RHO: variants seen among roughly 807,000 people sequenced by gnomAD.
RHO encodes rhodopsin, also known as opsin 2, rod pigment.
Under a neutral mutation model 31.2 loss-of-function variants are expected in RHO, and 21 were observed. The observed-to-expected ratio is 0.67, with a 90% CI of 0.48 to 0.97. RHO has a LOEUF of 0.97. RHO is among the 50% of genes least tolerant of loss of function. The pLI, the probability that RHO is intolerant of heterozygous loss-of-function variation, is 0.00. For missense variants in RHO, 414 were observed against 479.5 expected, an observed-to-expected ratio of 0.86 and a Z score of 1.28; for synonymous variants, 211 against 196.6, an observed-to-expected ratio of 1.07 and a Z score of -0.61.
chr3:129,533,532 G>A, intron 4 of RHO, 76 bp from the exon 5 acceptor site: 1 of 1,093,462 alleles, frequency 9.1e-7, no homozygotes, highest in Non-Finnish European at 1.4e-6. Context: ...AAGGGTCGGG[G>A]CGAACCTCAC....
At position 129,533,654 on chromosome 3, in the gene RHO, T is replaced by G; in HGVS notation, c.983T>G (p.Leu328Arg). 6.2e-7 allele frequency: 1 copy of G among 1,614,032 alleles called. No homozygotes were observed. The highest frequency in any genetic ancestry group is 8.5e-7 in the Non-Finnish European group (1 of 1,179,982). ...LTTICCGKNP[L>R]GDDEASATVS... ...ACCATCTGCTGCGGCAAGAACCCAC[T>G]GGGTGACGATGAGGCCTCTGCTACC... The change falls in exon 5 of 5, where the codon CTG (leucine) becomes CGG (arginine). Residue 328 changes from leucine to arginine, a missense_variant. Leu to Arg is a moderately radical substitution (Grantham distance 102). Coordinates refer to ENST00000296271, the MANE Select transcript of RHO (RefSeq NM_000539.3).
In RHO at chr3:129,532,365, C is replaced by A; in HGVS notation, c.645C>A (p.Pro215=). 6.2e-7 allele frequency: 1 copy of A among 1,614,014 alleles called. No homozygotes were observed. The highest frequency in any genetic ancestry group is 8.5e-7 in the Non-Finnish European group (1 of 1,180,014). Residue 215 remains proline (P), a synonymous_variant, in exon 3 of 5, where the codon CCC becomes CCA. Coordinates refer to ENST00000296271, the MANE Select transcript of RHO (RefSeq NM_000539.3). The surrounding 1 kb of genome is among the most constrained non-coding windows in gnomAD (Gnocchi z 5.5). ...TGTTCGTGGTCCACTTCACCATCCC[C>A]ATGATTATCATCTTTTTCTGCTATG... is the stretch of plus-strand genomic sequence containing the variant. The part of the protein sequence containing the change: ...IYMFVVHFTI[P]MIIIFFCYGQ...
At position 129,530,895 on chromosome 3, in the gene RHO, C is replaced by G. The variant is rs146311684; in HGVS notation, c.381C>G (p.Ser127=). The G allele has an allele frequency of 2.6e-4, 415 of 1,614,238 alleles. 2 individuals carry two copies. In the African/African-American group the frequency reaches 4.7e-3, roughly 18 times the overall value. ...TTGCAGGTGAAATTGCCCTGTGGTC[C>G]TTGGTGGTCCTGGCCATCGAGCGGT... ...ATLGGEIALW[S]LVVLAIERYV... Residue 127 remains serine (S), a synonymous_variant, in exon 2 of 5, where the codon TCC becomes TCG. Coordinates refer to ENST00000296271, the MANE Select transcript of RHO (RefSeq NM_000539.3).
In RHO at chr3:129,528,829, T is replaced by C. The variant is rs2084756732; in HGVS notation, c.96T>C (p.Ala32=). 2.5e-6 allele frequency: 4 copies of C among 1,614,274 alleles called. No individual in the cohort carries two copies. The highest frequency in any genetic ancestry group is 3.4e-6 in the Non-Finnish European group (4 of 1,180,050). Residue 32 remains alanine (A), a synonymous_variant, in exon 1 of 5, where the codon GCT becomes GCC. Transcript: ENST00000296271. ...SPFEYPQYYL[A]EPWQFSMLAA... ...TCGAGTACCCACAGTACTACCTGGCTGAGCCATGGCAGTTCTCCATGCTGG... is the reference window on the plus strand; with the variant it reads ...TCGAGTACCCACAGTACTACCTGGCCGAGCCATGGCAGTTCTCCATGCTGG...
chr3:129,530,183 T>C (rs1226864693), intron 1 of RHO, among the ~76,000 whole-genome samples: 1 of 152,158 alleles, frequency 6.6e-6, no homozygotes, highest in Admixed American at 6.5e-5. Flanking sequence ...CTCTGCAGGG[T>C]CAGTCCCAGT....
chr3:129,530,003 GCCA>G (rs1340002495), intron 1 of RHO, among the ~76,000 whole-genome samples: 1 of 152,328 alleles, frequency 6.6e-6, no homozygotes. Context: ...CTTACCGCCA[GCCA>G]CAAGCGTCTC....
At chr3:129,530,694 G>T (rs1181644601) in intron 1 of RHO, among the ~76,000 whole-genome samples, 182 bp from the exon 2 acceptor site, 1 of 152,170 alleles carries the variant, frequency 6.6e-6, no homozygotes, top group Non-Finnish European at 1.5e-5. Context: ...GCTCTCCTCA[G>T]CGTGTGGTCC....
At chr3:129,531,956 C>T (rs1035517938) in intron 2 of RHO, among the ~76,000 whole-genome samples, 2 of 152,202 alleles carry the variant, frequency 1.3e-5, no homozygotes, top group East Asian at 1.9e-4. Context: ...CAACCCTCTG[C>T]GTGGCATAGC....
rs1042378602 is a variant in RHO, at chr3:129,535,214, T to C, written c.*1496T>C. On this transcript the variant is annotated 3_prime_UTR_variant, in exon 5 of 5. Coordinates refer to ENST00000296271, the MANE Select transcript of RHO (RefSeq NM_000539.3). ...TTTCACACTCTATCCACAGGATAGA[T>C]TGAAACTGCCAGCTTCCACCTGATC... 1 of 152,568 alleles carries C rather than the reference T, an allele frequency of 6.6e-6. No homozygotes were observed. The highest frequency in any genetic ancestry group is 2.4e-5 in the African/African-American group (1 of 41,410). 9.5% of individuals were successfully genotyped at this position (152,568 alleles called of 1,614,324 possible). A position where few individuals can be genotyped will look rare whatever the true frequency, so the allele number is the denominator to read the frequency against.
Position 129,531,016 on chromosome 3 carries a change from G to A in RHO, c.502G>A (p.Ala168Thr), listed in dbSNP as rs574202023. 53 of 1,614,086 alleles carry A rather than the reference G, an allele frequency of 3.3e-5. No individual in the cohort carries two copies. The highest frequency in any genetic ancestry group is 4.2e-5 in the Non-Finnish European group (49 of 1,180,032). ...AFTWVMALAC[A>T]APPLAGWSRY... ...CACCTGGGTCATGGCGCTGGCCTGCGCCGCACCCCCACTCGCCGGCTGGTC... is the reference window on the plus strand; with the variant it reads ...CACCTGGGTCATGGCGCTGGCCTGCACCGCACCCCCACTCGCCGGCTGGTC... Residue 168 changes from alanine to threonine, a missense_variant, in exon 2 of 5, where the codon GCC (alanine) becomes ACC (threonine). Coordinates refer to ENST00000296271, the MANE Select transcript of RHO (RefSeq NM_000539.3).
intron 1 of RHO, 91 bp downstream of exon 1, chr3:129,529,185 C>G (rs1038019804): frequency 2.1e-6 from 3 of 1,425,528 alleles, no homozygotes; most frequent in Non-Finnish European, 2.9e-6. Flanking sequence ...GGCTGAGAGG[C>G]CTTCTCCCTT....
At chr3:129,533,311 G>A (rs988597337) in intron 4 of RHO, among the ~76,000 whole-genome samples, 2 of 152,090 alleles carry the variant, frequency 1.3e-5, no homozygotes, top group Non-Finnish European at 1.5e-5. Context: ...AGGTAGAAAG[G>A]GCAAAACACC....
chr3:129,532,678 C>T lies in RHO; in HGVS notation c.842C>T (p.Ser281Phe). The change falls in exon 4 of 5, where the codon TCC becomes TTC. Residue 281 changes from serine (S) to phenylalanine (F), a missense_variant. Physicochemically the swap from Ser to Phe is radical, Grantham distance 155. Coordinates refer to ENST00000296271, the MANE Select transcript of RHO (RefSeq NM_000539.3). The surrounding 1 kb of genome is among the most constrained non-coding windows in gnomAD (Gnocchi z 5.5). ...VAFYIFTHQGSNFGPIFMTIP... is the reference protein window; with the variant it reads ...VAFYIFTHQGFNFGPIFMTIP... Reference sequence around the variant, plus strand: ...TTCTACATCTTCACCCACCAGGGCTCCAACTTCGGTCCCATCTTCATGACC... The same window carrying T: ...TTCTACATCTTCACCCACCAGGGCTTCAACTTCGGTCCCATCTTCATGACC... 6.2e-7 allele frequency: 1 copy of T among 1,614,250 alleles called. No homozygotes were observed. The highest frequency in any genetic ancestry group is 1.1e-5 in the South Asian group (1 of 91,090).
Position 129,532,909 on chromosome 3 carries a change from G to A in RHO, c.936+137G>A. 8.5e-7 allele frequency: 1 copy of A among 1,174,246 alleles called. No individual in the cohort carries two copies. Among genetic ancestry groups the A allele is most frequent in the Non-Finnish European group, 1.2e-6 (1 of 807,662 alleles). 72.7% of individuals were successfully genotyped at this position (1,174,246 alleles called of 1,614,324 possible). A position where few individuals can be genotyped will look rare whatever the true frequency, so the allele number is the denominator to read the frequency against. On this transcript the variant is annotated intron_variant, in intron 4 of 4. Transcript: ENST00000296271. The surrounding 1 kb of genome is among the most constrained non-coding windows in gnomAD (Gnocchi z 5.5). ...AGTCTTGGGTCAGCAGTCCCAATGG[G>A]GAGTGTGTGAGAAATGCAGATTCCT... is the stretch of plus-strand genomic sequence containing the variant.
At chr3:129,531,125 C>A (rs921326502) in intron 2 of RHO, 81 bp downstream of exon 2, 141 of 1,534,142 alleles carry the variant, frequency 9.2e-5, no homozygotes, top group Non-Finnish European at 1.2e-4. Flanking sequence ...CCAGTAGTGT[C>A]TGGTTCCAGG....
Position 129,533,704 on chromosome 3 carries a change from G to C in RHO, c.1033G>C (p.Val345Leu), listed in dbSNP as rs104893795. Reference sequence around the variant, plus strand: ...CGTGTCCAAGACGGAGACGAGCCAGGTGGCCCCGGCCTAAGACCTGCCTAG... The same window carrying C: ...CGTGTCCAAGACGGAGACGAGCCAGCTGGCCCCGGCCTAAGACCTGCCTAG... ...ATVSKTETSQ[V>L]APA The change falls in exon 5 of 5, where the codon GTG becomes CTG. Residue 345 changes from valine (V) to leucine (L), a missense_variant. Val to Leu is a conservative substitution (Grantham distance 32). Coordinates refer to ENST00000296271, the MANE Select transcript of RHO (RefSeq NM_000539.3). 1 of 1,613,718 alleles carries C rather than the reference G, an allele frequency of 6.2e-7. No individual in the cohort carries two copies. Among genetic ancestry groups the C allele is most frequent in the Non-Finnish European group, 8.5e-7 (1 of 1,179,678 alleles).
rs371461422 is a variant in RHO at position 129,529,068 on chromosome 3, T to C, written c.335T>C (p.Leu112Ser). 5.0e-5 allele frequency: 81 copies of C among 1,613,284 alleles called. No individual in the cohort carries two copies. The highest frequency in any genetic ancestry group is 6.4e-5 in the Non-Finnish European group (75 of 1,179,422). Reference sequence around the variant, plus strand: ...GTCTTCGGGCCCACAGGATGCAATTTGGAGGGCTTCTTTGCCACCCTGGGC... The same window carrying C: ...GTCTTCGGGCCCACAGGATGCAATTCGGAGGGCTTCTTTGCCACCCTGGGC... Reference protein sequence around the residue: ...YFVFGPTGCNLEGFFATLGGE... With the variant: ...YFVFGPTGCNSEGFFATLGGE... The change falls in exon 1 of 5, where the codon TTG becomes TCG. Residue 112 changes from leucine to serine, a missense_variant. By Grantham distance (145) the Leu-to-Ser change is moderately radical. Transcript: ENST00000296271.
Position 129,532,373 on chromosome 3 carries a change from T to C in RHO, c.653T>C (p.Ile218Thr). 1.2e-6 allele frequency: 2 copies of C among 1,614,004 alleles called. No homozygotes were observed. The highest frequency in any genetic ancestry group is 1.7e-6 in the Non-Finnish European group (2 of 1,180,008). ...GTCCACTTCACCATCCCCATGATTA[T>C]CATCTTTTTCTGCTATGGGCAGCTC... ...FVVHFTIPMI[I>T]IFFCYGQLVF... The change falls in exon 3 of 5, where the codon ATC becomes ACC. Residue 218 changes from isoleucine to threonine, a missense_variant. Transcript: ENST00000296271. The surrounding 1 kb of genome is among the most constrained non-coding windows in gnomAD (Gnocchi z 5.5).
In RHO at chr3:129,528,706, C is replaced by A; in HGVS notation, c.-28C>A. The A allele has an allele frequency of 6.2e-7, 1 of 1,613,806 alleles. No individual in the cohort carries two copies. Among genetic ancestry groups the A allele is most frequent in the Non-Finnish European group, 8.5e-7 (1 of 1,180,014 alleles). ...TCGCAGCATTCTTGGGTGGGAGCAG[C>A]CACGGGTCAGCCACAAGGGCCACAG... On this transcript the variant is annotated 5_prime_UTR_variant, in exon 1 of 5. Transcript: ENST00000296271.
Sources: gnomAD v4.1 joint callset for allele counts (sites outside exome capture counted in the v4.1 genomes callset) on GRCh38, gnomAD v4.1.1 for gene constraint, Gnocchi (gnomAD v3.1) non-coding constraint, MANE v1.5 for transcripts, NCBI Gene and HGNC (gene_info 2026-07-23, HGNC 2026-07-21) for gene names.